Variants in CERKL observed in about 807,000 individuals in gnomAD.
CERKL encodes the protein CERK like autophagy regulator.
Under a neutral mutation model 63.4 loss-of-function variants are expected in CERKL, and 61 were observed. That is an observed-to-expected ratio of 0.96 (90% CI 0.78 to 1.19). CERKL has a LOEUF of 1.19. Ranked by LOEUF, CERKL falls within the 50% of genes most tolerant of loss-of-function variation. The pLI, the probability that CERKL is intolerant of heterozygous loss-of-function variation, is 0.00. For synonymous variants in CERKL, 250 were observed against 230.5 expected, an observed-to-expected ratio of 1.08 and a Z score of -0.77; for missense variants, 675 against 655.5, an observed-to-expected ratio of 1.03 and a Z score of -0.33.
At chr2:181,579,595 C>T (rs1680898369) in intron 2 of CERKL, among the ~76,000 whole-genome samples, 1 of 151,796 alleles carries the variant, frequency 6.6e-6, no homozygotes, top group Non-Finnish European at 1.5e-5. Context: ...TGAAAGTTTT[C>T]GCTTACACGG....
chr2:181,624,588 G>A (rs1013480760), intron 1 of CERKL, among the ~76,000 whole-genome samples: 6 of 152,144 alleles, frequency 3.9e-5, no homozygotes, highest in East Asian at 1.9e-4. Context: ...GACATCGTTG[G>A]ACAGACACTA....
chr2:181,625,524 G>A (rs1267112603), intron 1 of CERKL, among the ~76,000 whole-genome samples: 2 of 152,302 alleles, frequency 1.3e-5, no homozygotes, highest in East Asian at 3.9e-4. Flanking sequence ...GAATTTGATA[G>A]CAAGTATACC....
At chr2:181,545,364 G>A (rs1401786476) in intron 10 of CERKL, among the ~76,000 whole-genome samples, 1 of 152,194 alleles carries the variant, frequency 6.6e-6, no homozygotes, top group African/African-American at 2.4e-5. Flanking sequence ...TTGCATAACT[G>A]TTCCATCCAA....
At chr2:181,553,387 A>C (rs1200207820) in intron 5 of CERKL, among the ~76,000 whole-genome samples, 21 of 152,172 alleles carry the variant, frequency 1.4e-4, no homozygotes, top group Admixed American at 1.3e-3. Context: ...TTATCGATGG[A>C]TTACAGTACT....
At chr2:181,615,059 T>A (rs1481380301) in intron 1 of CERKL, among the ~76,000 whole-genome samples, 1 of 152,198 alleles carries the variant, frequency 6.6e-6, no homozygotes, top group Admixed American at 6.5e-5. Flanking sequence ...ACATTAACTG[T>A]CCTCTCACAT....
chr2:181,588,200 C>T (rs1209175347), intron 2 of CERKL, among the ~76,000 whole-genome samples: 1 of 152,100 alleles, frequency 6.6e-6, no homozygotes, highest in Non-Finnish European at 1.5e-5. Context: ...ACCTCTTGAA[C>T]TTCTTCCTCC....
chr2:181,555,293 G>A (rs1320900054), intron 5 of CERKL, among the ~76,000 whole-genome samples: 1 of 152,150 alleles, frequency 6.6e-6, no homozygotes, highest in Non-Finnish European at 1.5e-5. Flanking sequence ...GGAAGGAAAT[G>A]TTGGAAAGTT....
chr2:181,633,061 A>T (rs994487560), intron 1 of CERKL, among the ~76,000 whole-genome samples: 2 of 152,184 alleles, frequency 1.3e-5, no homozygotes, highest in African/African-American at 2.4e-5. Context: ...CAGCATAGCC[A>T]CGCTTGGGTT....
At position 181,548,876 on chromosome 2, in the gene CERKL, T is replaced by C. The variant is rs1362182380; in HGVS notation, c.896-19A>G. 5 of 1,604,706 alleles carry C rather than the reference T, an allele frequency of 3.1e-6. No homozygotes were observed. Among genetic ancestry groups the C allele is most frequent in the Non-Finnish European group, 4.3e-6 (5 of 1,171,908 alleles). On this transcript the variant is annotated intron_variant, in intron 6 of 12. Coordinates refer to ENST00000410087, the MANE Select transcript of CERKL (RefSeq NM_201548.5). The stretch of plus-strand genomic sequence containing the variant: ...ACATGCCCTTGAATATTACATTAAA[T>C]ATTAATCAGTGAGTACAGTAGGACT...
rs1233575076 is a variant in CERKL at position 181,537,497 on chromosome 2, G to T, written c.*687C>A. On this transcript the variant is annotated 3_prime_UTR_variant, in exon 13 of 13. Coordinates refer to ENST00000410087, the MANE Select transcript of CERKL (RefSeq NM_201548.5). ...GACAGGGATGGGTTATTCTTTTTTG[G>T]CAGGTAGGCTATATAACTATGTGAT... The T allele has an allele frequency of 4.4e-6, 2 of 453,318 alleles. No homozygotes were observed. Among genetic ancestry groups the T allele is most frequent in the East Asian group, 1.4e-4 (2 of 14,392 alleles). 28.1% of individuals were successfully genotyped at this position (453,318 alleles called of 1,614,324 possible). A position where few individuals can be genotyped will look rare whatever the true frequency, so the allele number is the denominator to read the frequency against.
chr2:181,581,346 A>G (rs1306135603), intron 2 of CERKL, among the ~76,000 whole-genome samples: 2 of 152,220 alleles, frequency 1.3e-5, no homozygotes, highest in Admixed American at 6.5e-5. Context: ...GTAAAAGACA[A>G]CACTTCTACC....
intron 1 of CERKL, among the ~76,000 whole-genome samples, chr2:181,651,397 TAC>T (rs781600066): frequency 6.6e-6 from 1 of 152,208 alleles, no homozygotes; most frequent in Non-Finnish European, 1.5e-5. Context: ...GTAAATGTGA[TAC>T]ACATTAACAA....
chr2:181,542,510 CTAAA>C (rs1200525367), intron 11 of CERKL, among the ~76,000 whole-genome samples: 5 of 151,890 alleles, frequency 3.3e-5, no homozygotes, highest in South Asian at 2.1e-4. Context: ...AGGAAAGAGC[CTAAA>C]TAAACACACC....
intron 1 of CERKL, among the ~76,000 whole-genome samples, chr2:181,626,856 G>A (rs1415994631): frequency 6.6e-6 from 1 of 152,202 alleles, no homozygotes; most frequent in East Asian, 1.9e-4. Flanking sequence ...TTGGATTAGG[G>A]ATCTCCAGCC....
In CERKL at chr2:181,603,695, A is replaced by C. The variant is rs766628330; in HGVS notation, c.481+142T>G. ...GTAGAAAAAGTATTTAGCAAATTTC[A>C]ACACTTTCTCACGACAAAAACTAGG... On this transcript the variant is annotated intron_variant, in intron 2 of 12. Transcript: ENST00000410087. The C allele has an allele frequency of 1.1e-5, 10 of 874,114 alleles. No individual in the cohort carries two copies. In the Middle Eastern group the frequency reaches 9.2e-4, roughly 80 times the overall value. 54.1% of individuals were successfully genotyped at this position (874,114 alleles called of 1,614,324 possible).
chr2:181,565,999 T>C, intron 4 of CERKL, 59 bp downstream of exon 4: 2 of 1,147,874 alleles, frequency 1.7e-6, no homozygotes, highest in African/African-American at 1.5e-5. Context: ...TAGCTAAAAC[T>C]AGTGAAGGCA....
intron 1 of CERKL, among the ~76,000 whole-genome samples, chr2:181,623,518 G>T (rs1411665219): frequency 6.6e-6 from 1 of 152,160 alleles, no homozygotes; most frequent in Non-Finnish European, 1.5e-5. Context: ...TAAATAGTAT[G>T]TATTTGAGTG....
intron 2 of CERKL, among the ~76,000 whole-genome samples, chr2:181,593,304 C>G (rs879062870): frequency 1.3e-5 from 2 of 152,082 alleles, no homozygotes; most frequent in Admixed American, 1.3e-4. Context: ...TGCTATCTAG[C>G]GTGATCATCC....
chr2:181,655,224 T>A (rs905697310), intron 1 of CERKL, among the ~76,000 whole-genome samples: 2 of 152,234 alleles, frequency 1.3e-5, no homozygotes, highest in African/African-American at 4.8e-5. Flanking sequence ...TTAAACCTAT[T>A]TTACCTTAAT....
Sources: gnomAD v4.1 joint callset for allele counts (sites outside exome capture counted in the v4.1 genomes callset) on GRCh38, gnomAD v4.1.1 for gene constraint, MANE v1.5 for transcripts, NCBI Gene and HGNC (gene_info 2026-07-23, HGNC 2026-07-21) for gene names.